Variants in PRUNE2 observed in about 807,000 individuals in gnomAD.
The protein encoded by PRUNE2 is prune homolog 2 with BCH domain, also known as protein prune homolog 2.
Under a neutral mutation model 252.0 loss-of-function variants are expected in PRUNE2, and 164 were observed. The observed-to-expected ratio is 0.65, with a 90% CI of 0.57 to 0.74. The LOEUF (loss-of-function observed/expected upper bound fraction) is 0.74. Among genes scored for constraint, PRUNE2 ranks in the 30% least tolerant of loss-of-function variants. The pLI is 0.00. For synonymous variants in PRUNE2, 1,292 were observed against 1,350.2 expected (o/e 0.96, Z 0.94); for missense variants, 3,495 against 3,711.0 (o/e 0.94, Z 1.51).
At position 76,709,742 on chromosome 9, in the gene PRUNE2, A is replaced by G; in HGVS notation, c.2532T>C (p.Ser844=). 6.2e-7 allele frequency: 1 copy of G among 1,614,024 alleles called. No homozygotes were observed. Among genetic ancestry groups the G allele is most frequent in the Non-Finnish European group, 8.5e-7 (1 of 1,179,896 alleles). ...WAMAKSGFAF[S]SSELLDNSPS... ...GTGAATTGTCCAGTAGTTCTGAAGA[A>G]GAAAAGGCAAACCCACTTTTTGCCA... The change falls in exon 8 of 19, where the codon TCT becomes TCC. Residue 844 remains serine, a synonymous_variant. Transcript: ENST00000376718.
chr9:76,628,762 G>A (rs1162612846), intron 16 of PRUNE2, among the ~76,000 whole-genome samples: 3 of 151,960 alleles, frequency 2.0e-5, no homozygotes, highest in South Asian at 4.2e-4. Flanking sequence ...TTTATTGGAG[G>A]ATATTTAATA....
intron 9 of PRUNE2, among the ~76,000 whole-genome samples, chr9:76,660,016 A>T (rs1394319547): frequency 2.0e-5 from 3 of 152,252 alleles, no homozygotes; most frequent in Non-Finnish European, 2.9e-5. Context: ...AAAGCCATGT[A>T]TCATTAAAAA....
chr9:76,794,327 C>A (rs1050765097), intron 6 of PRUNE2, among the ~76,000 whole-genome samples: 4 of 152,244 alleles, frequency 2.6e-5, no homozygotes, highest in African/African-American at 9.6e-5. Context: ...GCAAAGAGCG[C>A]GGCCTCCGAG....
chr9:76,638,332 T>C (rs760810943), intron 12 of PRUNE2, 44 bp from the exon 13 acceptor site: 1 of 1,346,784 alleles, frequency 7.4e-7, no homozygotes, highest in Non-Finnish European at 1.1e-6. Context: ...TTGAAAGCTC[T>C]TAACAAGGTA....
At chr9:76,745,887 T>C (rs553778228) in intron 6 of PRUNE2, among the ~76,000 whole-genome samples, 1 of 152,306 alleles carries the variant, frequency 6.6e-6, no homozygotes, top group Admixed American at 6.5e-5. Context: ...GGGCATGTGA[T>C]TCAAGCTGCA....
At chr9:76,692,434 G>C in intron 9 of PRUNE2, 1 of 386,086 alleles carries the variant, frequency 2.6e-6, no homozygotes, top group South Asian at 4.1e-5. Context: ...AGCACAAGTT[G>C]TAAGGAATTT....
chr9:76,616,988 A>C (rs1830038061), intron 18 of PRUNE2, among the ~76,000 whole-genome samples: 1 of 151,468 alleles, frequency 6.6e-6, no homozygotes, highest in Non-Finnish European at 1.5e-5. Context: ...ACATAAATAA[A>C]TAAATAAATA....
chr9:76,892,490 G>A (rs1164453468), intron 1 of PRUNE2, among the ~76,000 whole-genome samples: 1 of 152,190 alleles, frequency 6.6e-6, no homozygotes, highest in South Asian at 2.1e-4. Context: ...AAAGATGTTT[G>A]TCGTAGTAAT....
At chr9:76,773,756 T>C (rs1161861591) in intron 6 of PRUNE2, among the ~76,000 whole-genome samples, 2 of 152,198 alleles carry the variant, frequency 1.3e-5, no homozygotes, top group Admixed American at 1.3e-4. Flanking sequence ...GTACATCTTA[T>C]GTAGGTGCAG....
At chr9:76,715,734 A>G in intron 6 of PRUNE2, among the ~76,000 whole-genome samples, 1 of 152,352 alleles carries the variant, frequency 6.6e-6, no homozygotes. Context: ...AAAGACATTA[A>G]ATATTTAAAA....
At chr9:76,904,246 A>G (rs541200143) in intron 1 of PRUNE2, among the ~76,000 whole-genome samples, 1 of 151,696 alleles carries the variant, frequency 6.6e-6, no homozygotes, top group South Asian at 2.1e-4. Context: ...TTTTTTTTTA[A>G]TGATGTAGAG....
intron 6 of PRUNE2, chr9:76,787,614 C>T (rs1257408788): frequency 5.3e-5 from 8 of 150,492 alleles, no homozygotes; most frequent in Admixed American, 5.3e-4. Context: ...CAGTAGTTCA[C>T]TTTTCCACTT....
rs548138976 is a variant in PRUNE2 at position 76,804,002 on chromosome 9, C to T, written c.756+19630G>A. 1.4e-3 allele frequency among the ~76,000 whole-genome samples: 209 copies of T among 152,192 alleles called. 11 individuals carry two copies. In the South Asian group the frequency reaches 0.042, roughly 30 times the overall value. On this transcript the variant is annotated intron_variant, in intron 6 of 18. Coordinates refer to ENST00000376718, the MANE Select transcript of PRUNE2 (RefSeq NM_015225.3). ...GGCTCTGCCTCTCACATCTCTCCGC[C>T]GAGAACTGCATTGTGTTCACTCTAA...
At chr9:76,649,593 AGATAGATAGATAGATAGAT>A (rs915249864) in intron 11 of PRUNE2, among the ~76,000 whole-genome samples, 2 of 121,740 alleles carry the variant, frequency 1.6e-5, no homozygotes, top group Non-Finnish European at 3.4e-5. Context: ...CTTAAAGTAT[AGATAGATAGATAGATAGAT>A]GATAGATAGA....
At chr9:76,730,316 G>A (rs60940864) in intron 6 of PRUNE2, among the ~76,000 whole-genome samples, 4,607 of 152,260 alleles carry the variant, frequency 0.03, 213 homozygotes, top group African/African-American at 0.1. Flanking sequence ...AGCTTCTACT[G>A]TCAGAGGTAA....
intron 6 of PRUNE2, among the ~76,000 whole-genome samples, chr9:76,793,474 G>C (rs905282547): frequency 6.6e-6 from 1 of 152,132 alleles, no homozygotes; most frequent in African/African-American, 2.4e-5. Flanking sequence ...TGGCTATCTA[G>C]GGGCCATCTC....
At chr9:76,819,356 A>G (rs1387762362) in intron 6 of PRUNE2, 2 of 152,232 alleles carry the variant, frequency 1.3e-5, no homozygotes, top group African/African-American at 4.8e-5. Flanking sequence ...CATAGAGGGA[A>G]GGTGATGTGA....
chr9:76,819,323 G>A (rs944398891), intron 6 of PRUNE2: 4 of 152,110 alleles, frequency 2.6e-5, no homozygotes, highest in South Asian at 2.1e-4. Flanking sequence ...TATGAAAAGG[G>A]GAAATTTGAA....
At chr9:76,691,956 T>TCCCGTCTCCCCCG in intron 9 of PRUNE2, 1 of 661,274 alleles carries the variant, frequency 1.5e-6, no homozygotes, top group Non-Finnish European at 2.8e-6. Context: ...CTCATCCCCC[T>TCCCGTCTCCCCCG]CCCGTCTCCC....
Sources: allele counts gnomAD v4.1 joint callset (sites outside exome capture counted in the v4.1 genomes callset), GRCh38; gene constraint gnomAD v4.1.1; transcripts MANE v1.5; gene names NCBI Gene and HGNC (gene_info 2026-07-23, HGNC 2026-07-21).